DNMBP: variants seen among roughly 807,000 people sequenced by gnomAD.
DNMBP encodes the protein dynamin-binding protein.
DNMBP carries 87 observed loss-of-function variants against 150.0 expected under a neutral mutation model. That is an observed-to-expected ratio of 0.58 (90% CI 0.49 to 0.69). The LOEUF is 0.69. Among genes scored for constraint, DNMBP ranks in the 30% least tolerant of loss-of-function variants. DNMBP has a pLI of 0.00. For synonymous variants in DNMBP, 711 were observed against 750.4 expected, an observed-to-expected ratio of 0.95 and a Z score of 0.86; for missense variants, 1,774 against 1,949.0, an observed-to-expected ratio of 0.91 and a Z score of 1.69.
chr10:99,976,861 T>C (rs1442806146), intron 1 of DNMBP, among the ~76,000 whole-genome samples: 1 of 152,222 alleles, frequency 6.6e-6, no homozygotes, highest in Non-Finnish European at 1.5e-5. Context: ...AAACTATTCC[T>C]TAACCTTCGG....
chr10:99,879,160 A>G (rs1458403803), intron 16 of DNMBP, among the ~76,000 whole-genome samples: 1 of 151,200 alleles, frequency 6.6e-6, no homozygotes, highest in African/African-American at 2.4e-5. Context: ...ACAGGCCATT[A>G]CAAAGAGAAT....
intron 14 of DNMBP, 86 bp downstream of exon 14, chr10:99,885,601 T>C (rs2039444153): frequency 1.7e-6 from 2 of 1,206,644 alleles, no homozygotes; most frequent in Admixed American, 5.5e-5. Context: ...GAAACTCCAA[T>C]AGTGGGATCT....
chr10:99,992,628 G>A (rs1309289166), intron 1 of DNMBP, among the ~76,000 whole-genome samples: 1 of 150,040 alleles, frequency 6.7e-6, no homozygotes, highest in Non-Finnish European at 1.5e-5. Context: ...CTGGGTTCAC[G>A]CCATTCTCCT....
chr10:99,885,953 T>A, intron 13 of DNMBP, 87 bp from the exon 14 acceptor site: 2 of 1,242,968 alleles, frequency 1.6e-6, no homozygotes, highest in Non-Finnish European at 2.2e-6. Context: ...TGATGAAAGA[T>A]CCCGGATTGA....
chr10:99,877,411 A>G (rs558349690), intron 16 of DNMBP, 75 bp from the exon 17 acceptor site: 3 of 1,243,392 alleles, frequency 2.4e-6, no homozygotes, highest in Non-Finnish European at 3.4e-6. Context: ...GGTGTTGGGG[A>G]GGGTTCCACA....
chr10:99,963,427 G>C (rs2133343457), intron 3 of DNMBP, among the ~76,000 whole-genome samples: 1 of 152,154 alleles, frequency 6.6e-6, no homozygotes, highest in Non-Finnish European at 1.5e-5. Flanking sequence ...TTTTTCATCA[G>C]AAAGAGTCAT....
intron 11 of DNMBP, chr10:99,889,251 A>G (rs531202915): frequency 9.2e-6 from 2 of 218,366 alleles, no homozygotes; most frequent in South Asian, 1.7e-4. Context: ...AAATTATCAA[A>G]TTAGAACCAA....
At chr10:99,910,507 C>A (rs911613316) in intron 4 of DNMBP, among the ~76,000 whole-genome samples, 1 of 152,196 alleles carries the variant, frequency 6.6e-6, no homozygotes, top group Non-Finnish European at 1.5e-5. Flanking sequence ...GCCATTATTG[C>A]ACTCCAGACT....
At chr10:99,927,095 C>T (rs2040087777) in intron 4 of DNMBP, 2 of 152,352 alleles carry the variant, frequency 1.3e-5, no homozygotes, top group South Asian at 4.1e-4. Flanking sequence ...GGCTTCCTGC[C>T]TGGGGGAGAG....
chr10:99,883,531 G>A (rs1283816272), intron 15 of DNMBP, among the ~76,000 whole-genome samples: 1 of 149,344 alleles, frequency 6.7e-6, no homozygotes, highest in East Asian at 2.0e-4. Context: ...TGGGCATGAT[G>A]GCATACCTGT....
chr10:99,890,627 A>G (rs967904680), intron 11 of DNMBP, among the ~76,000 whole-genome samples: 3 of 152,162 alleles, frequency 2.0e-5, no homozygotes, highest in African/African-American at 7.2e-5. Flanking sequence ...ACAAAGAAAC[A>G]TACTCAGTAG....
intron 1 of DNMBP, among the ~76,000 whole-genome samples, chr10:99,992,029 G>T (rs1297815614): frequency 2.6e-5 from 4 of 152,014 alleles, no homozygotes; most frequent in African/African-American, 9.7e-5. Flanking sequence ...TTGAGCTCAG[G>T]AGTTCAAGAC....
chr10:99,885,890 GAT>G, intron 13 of DNMBP, 24 bp from the exon 14 acceptor site: 1 of 1,575,774 alleles, frequency 6.3e-7, no homozygotes, highest in Non-Finnish European at 8.6e-7. Context: ...GAAGAGCAGA[GAT>G]AGAGAAAAGA....
chr10:99,931,538 C>G (rs2040158465), intron 4 of DNMBP, among the ~76,000 whole-genome samples: 1 of 152,190 alleles, frequency 6.6e-6, no homozygotes, highest in South Asian at 2.1e-4. Context: ...GTTAGGTATG[C>G]TTTCACATTT....
At chr10:99,988,128 G>A (rs2040848122) in intron 1 of DNMBP, among the ~76,000 whole-genome samples, 2 of 151,970 alleles carry the variant, frequency 1.3e-5, no homozygotes, top group Admixed American at 1.3e-4. Flanking sequence ...TGCTTTTCCT[G>A]CGTCCAATGA....
chr10:99,940,066 A>G (rs1009269610), intron 4 of DNMBP, among the ~76,000 whole-genome samples: 1 of 152,176 alleles, frequency 6.6e-6, no homozygotes, highest in Non-Finnish European at 1.5e-5. Context: ...GCTGCATGTC[A>G]ATCACTCTTT....
At chr10:99,879,494 C>T (rs1197323571) in intron 16 of DNMBP, among the ~76,000 whole-genome samples, 1 of 152,036 alleles carries the variant, frequency 6.6e-6, no homozygotes. Flanking sequence ...GAATCAAAAA[C>T]CAAACAAGTG....
At chr10:99,891,264 G>C (rs1317211579) in intron 11 of DNMBP, among the ~76,000 whole-genome samples, 2 of 142,190 alleles carry the variant, frequency 1.4e-5, no homozygotes, top group Non-Finnish European at 3.0e-5. Context: ...CTGCCATCTC[G>C]GCTCACTGCA....
chr10:99,913,218 T>C (rs977663361), intron 4 of DNMBP, among the ~76,000 whole-genome samples: 1 of 151,970 alleles, frequency 6.6e-6, no homozygotes, highest in Non-Finnish European at 1.5e-5. Context: ...AAAGAAGCTT[T>C]GAATCTTGCA....
Sources: allele counts gnomAD v4.1 joint callset (sites outside exome capture counted in the v4.1 genomes callset), GRCh38; gene constraint gnomAD v4.1.1; transcripts MANE v1.5; gene names NCBI Gene and HGNC (gene_info 2026-07-23, HGNC 2026-07-21).